The following AGL variants were observed in gnomAD, a reference collection of about 807,000 sequenced individuals.
AGL encodes the protein glycogen debranching enzyme.
Under a neutral mutation model 199.3 loss-of-function variants are expected in AGL, and 128 were observed. The ratio of observed to expected loss-of-function variants is 0.64; its 90% confidence interval spans 0.56 to 0.74. AGL has a LOEUF of 0.74. AGL is among the 30% of genes least tolerant of loss of function. The probability of loss-of-function intolerance (pLI) is 0.00; values close to 1 mark genes in which losing one functional copy is unlikely to be tolerated. For synonymous variants in AGL, 584 were observed against 594.7 expected, an observed-to-expected ratio of 0.98 and a Z score of 0.26; for missense variants, 1,809 against 1,820.8, an observed-to-expected ratio of 0.99 and a Z score of 0.12.
At chr1:99,887,800 C>T (rs1227404668) in intron 20 of AGL, among the ~76,000 whole-genome samples, 178 bp from the exon 21 acceptor site, 1 of 151,942 alleles carries the variant, frequency 6.6e-6, no homozygotes, top group Non-Finnish European at 1.5e-5. Flanking sequence ...TTTTTTTTCA[C>T]AATTTGTCCT....
At chr1:99,894,031 AT>A (rs1028341102) in intron 24 of AGL, among the ~76,000 whole-genome samples, 4 of 152,036 alleles carry the variant, frequency 2.6e-5, no homozygotes, top group African/African-American at 9.7e-5. Flanking sequence ...AAAAAAAAAA[AT>A]TAAAAATTAG....
chr1:99,907,315 T>C (rs1480148837), intron 27 of AGL, among the ~76,000 whole-genome samples: 5 of 152,230 alleles, frequency 3.3e-5, no homozygotes, highest in African/African-American at 4.8e-5. Flanking sequence ...TAATATTCCA[T>C]TGTATGTATA....
chr1:99,861,594 T>C lies in AGL; in HGVS notation c.174T>C (p.Asn58=), dbSNP rs779677453. ...TNYPFPGETF[N]REKFRSLDWE... is the part of the protein sequence containing the mutation. The stretch of plus-strand genomic sequence containing the variant: ...ACCCATTTCCTGGAGAAACATTTAA[T>C]AGAGAAAAATTCCGTTCTCTGGATT... Residue 58 remains asparagine, a synonymous_variant, in exon 3 of 34, where the codon AAT becomes AAC. Coordinates refer to ENST00000361915, the MANE Select transcript of AGL (RefSeq NM_000642.3). 1.8e-5 allele frequency: 29 copies of C among 1,613,862 alleles called. No individual in the cohort carries two copies. Among genetic ancestry groups the C allele is most frequent in the Non-Finnish European group, 2.4e-5 (28 of 1,179,934 alleles).
chr1:99,870,708 T>G (rs752773874), intron 6 of AGL, 50 bp from the exon 7 acceptor site: 1 of 1,428,148 alleles, frequency 7.0e-7, no homozygotes, highest in South Asian at 1.2e-5. Context: ...TTAACTGATT[T>G]TAAATAAGTA....
rs1267809749 is a variant in AGL, at chr1:99,913,576, C to G, written c.3999C>G (p.Asp1333Glu). ...SYDEWNRKIQ[D>E]NFEKLFHVSE... ...ATGAGTGGAACAGAAAAATACAAGACAACTTTGAAAAGCTATTTCATGTTT... is the reference window on the plus strand; with the variant it reads ...ATGAGTGGAACAGAAAAATACAAGAGAACTTTGAAAAGCTATTTCATGTTT... The change falls in exon 30 of 34, where the codon GAC (aspartate) becomes GAG (glutamate). Residue 1333 changes from aspartate to glutamate, a missense_variant. By Grantham distance (45) the Asp-to-Glu change is conservative. Transcript: ENST00000361915. 6.2e-7 allele frequency: 1 copy of G among 1,613,946 alleles called. No homozygotes were observed. Among genetic ancestry groups the G allele is most frequent in the East Asian group, 2.2e-5 (1 of 44,848 alleles).
intron 21 of AGL, 45 bp from the exon 22 acceptor site, chr1:99,891,175 T>C (rs770298477): frequency 3.1e-6 from 5 of 1,611,980 alleles, no homozygotes; most frequent in African/African-American, 2.7e-5. Context: ...TAGGAACAAA[T>C]TGATGCTACC....
intron 31 of AGL, 44 bp downstream of exon 31, chr1:99,915,530 C>T (rs1286683489): frequency 7.0e-7 from 1 of 1,421,394 alleles, no homozygotes; most frequent in East Asian, 2.3e-5. Flanking sequence ...ATATTTAATC[C>T]AAATACATTG....
chr1:99,905,372 T>G (rs1307214387), intron 27 of AGL, among the ~76,000 whole-genome samples: 1 of 150,896 alleles, frequency 6.6e-6, no homozygotes, highest in East Asian at 1.9e-4. Flanking sequence ...ATTTTTTGTA[T>G]TTGTTGTTGT....
chr1:99,852,515 A>G (rs1359431150), intron 2 of AGL: 10 of 620,072 alleles, frequency 1.6e-5, no homozygotes, highest in Non-Finnish European at 2.0e-5. Context: ...GACTGCAGGC[A>G]TACATCACTA....
intron 9 of AGL, 39 bp downstream of exon 9, chr1:99,875,295 T>G (rs1175149895): frequency 6.2e-7 from 1 of 1,611,848 alleles, no homozygotes. Flanking sequence ...TCCTTGCATC[T>G]TACTACTATT....
At position 99,904,381 on chromosome 1, in the gene AGL, TAC is replaced by T. The variant is rs569451810; in HGVS notation, c.3700+1589_3700+1590del. Among the ~76,000 whole-genome samples, 323 of 152,328 alleles carry T rather than the reference TAC, an allele frequency of 2.1e-3. 2 individuals carry two copies. Among genetic ancestry groups the T allele is most frequent in the Middle Eastern group, 0.01 (3 of 294 alleles). ...GACTCACAAGAAGTTGAAAAAATGATACATAGTATGCCATGAACTCTTCACCC... is the reference window on the plus strand; with the variant it reads ...GACTCACAAGAAGTTGAAAAAATGATATAGTATGCCATGAACTCTTCACCC... On this transcript the variant is annotated intron_variant, in intron 27 of 33. Coordinates refer to ENST00000361915, the MANE Select transcript of AGL (RefSeq NM_000642.3).
chr1:99,891,530 C>T, intron 22 of AGL, 76 bp from the exon 23 acceptor site: 1 of 1,556,694 alleles, frequency 6.4e-7, no homozygotes, highest in South Asian at 1.1e-5. Flanking sequence ...TAAAGTTGCA[C>T]ATTTAGATTT....
Position 99,877,926 on chromosome 1 carries a change from A to C in AGL, c.1611+98A>C, listed in dbSNP as rs1570438764. On this transcript the variant is annotated intron_variant, in intron 12 of 33. Transcript: ENST00000361915. ...ATGCAGGTAAATGTTTCCTTTTGCT[A>C]GTTGGACACAAGCATTGATTTGGTG... is the stretch of plus-strand genomic sequence containing the variant. 2.6e-6 allele frequency: 3 copies of C among 1,156,316 alleles called. No homozygotes were observed. The East Asian group carries it at 7.2e-5, about 28-fold the overall frequency. The allele number at this position is 1,156,316 out of a possible 1,614,324, so 71.6% of individuals were successfully genotyped here. A position where few individuals can be genotyped will look rare whatever the true frequency, so the allele number is the denominator to read the frequency against.
intron 2 of AGL, among the ~76,000 whole-genome samples, chr1:99,855,671 T>C (rs1649360435): frequency 6.6e-6 from 1 of 151,932 alleles, no homozygotes; most frequent in Non-Finnish European, 1.5e-5. Flanking sequence ...TGTGGTGACA[T>C]GCACCTGTAG....
chr1:99,875,505 G>A, intron 10 of AGL, 50 bp downstream of exon 10: 1 of 1,467,384 alleles, frequency 6.8e-7, no homozygotes, highest in Non-Finnish European at 9.5e-7. Flanking sequence ...ACTGAAAATT[G>A]TATTTAACTT....
intron 7 of AGL, among the ~76,000 whole-genome samples, chr1:99,871,416 C>G (rs1233621061): frequency 6.7e-6 from 1 of 149,724 alleles, no homozygotes; most frequent in African/African-American, 2.4e-5. Context: ...ATGTGCCCCC[C>G]CCCCCCCAAC....
At chr1:99,881,012 C>A in intron 14 of AGL, 64 bp from the exon 15 acceptor site, 1 of 1,382,376 alleles carries the variant, frequency 7.2e-7, no homozygotes, top group Non-Finnish European at 1.0e-6. Flanking sequence ...CTTCATTATG[C>A]TATAGAATAG....
At position 99,880,701 on chromosome 1, in the gene AGL, G is replaced by T; in HGVS notation, c.1805G>T (p.Gly602Val). The T allele has an allele frequency of 6.2e-7, 1 of 1,614,018 alleles. No homozygotes were observed. Among genetic ancestry groups the T allele is most frequent in the African/African-American group, 1.3e-5 (1 of 75,050 alleles). Residue 602 changes from glycine (G) to valine (V), a missense_variant, in exon 14 of 34, where the codon GGA becomes GTA. Gly to Val is a moderately radical substitution (Grantham distance 109, BLOSUM62 -3). Coordinates refer to ENST00000361915, the MANE Select transcript of AGL (RefSeq NM_000642.3). ...LVYRYGGEPV[G>V]SFVQPCLRPL... ...TACCGATATGGAGGAGAACCTGTTG[G>T]ATCCTTTGTTCAGCCCTGTTTGAGG...
At chr1:99,902,641 T>G in intron 26 of AGL, 42 bp from the exon 27 acceptor site, 1 of 1,457,196 alleles carries the variant, frequency 6.9e-7, no homozygotes, top group South Asian at 1.1e-5. Flanking sequence ...ATAAGAAAAA[T>G]GTAATTTCTA....
Sources: allele counts gnomAD v4.1 joint callset (sites outside exome capture counted in the v4.1 genomes callset), GRCh38; gene constraint gnomAD v4.1.1; transcripts MANE v1.5; gene names NCBI Gene and HGNC (gene_info 2026-07-23, HGNC 2026-07-21).